The following TNN variants were observed in gnomAD, a reference collection of about 807,000 sequenced individuals.
The protein encoded by TNN is tenascin N, also known as tenascin-N.
In TNN, 122 loss-of-function variants were observed where a neutral mutation model predicts 134.4. The ratio of observed to expected loss-of-function variants is 0.91; its 90% CI spans 0.78 to 1.06. The LOEUF is 1.06. TNN is among the 50% of genes least tolerant of loss of function. The pLI, the probability that TNN is intolerant of heterozygous loss-of-function variation, is 0.00. For synonymous variants in TNN, 710 were observed against 670.3 expected (o/e 1.06, Z -0.91); for missense variants, 1,739 against 1,699.4 (o/e 1.02, Z -0.41).
intron 12 of TNN, among the ~76,000 whole-genome samples, chr1:175,125,963 T>TTCTCTC (rs151299690): frequency 1.5e-4 from 21 of 140,422 alleles, no homozygotes; most frequent in Non-Finnish European, 3.1e-4. Flanking sequence ...CTTTCTTTCC[T>TTCTCTC]TCTCTCTCTC....
intron 7 of TNN, 48 bp from the exon 8 acceptor site, chr1:175,097,369 A>G (rs1674594264): frequency 1.2e-6 from 2 of 1,608,060 alleles, no homozygotes; most frequent in Non-Finnish European, 1.7e-6. Flanking sequence ...TCTTTATGGA[A>G]TTAGAGGGTG....
intron 17 of TNN, among the ~76,000 whole-genome samples, chr1:175,139,997 A>G (rs957271631): frequency 6.6e-6 from 1 of 152,276 alleles, no homozygotes; most frequent in African/African-American, 2.4e-5. Context: ...ACATAGATGG[A>G]CATTCATATG....
rs773665365 is a variant in TNN at position 175,126,979 on chromosome 1, G to A, written c.2939G>A (p.Arg980His). 20 of 1,613,536 alleles carry A rather than the reference G, an allele frequency of 1.2e-5. No individual in the cohort carries two copies. Among genetic ancestry groups the A allele is most frequent in the African/African-American group, 6.7e-5 (5 of 74,870 alleles). Residue 980 changes from arginine (R) to histidine (H), a missense_variant, in exon 13 of 19, where the codon CGT (arginine) becomes CAT (histidine). By Grantham distance (29) the Arg-to-His change is conservative. Transcript: ENST00000239462. ...GAACTCGACCCTCCCAGAAACCTTC[G>A]TCCATCTGCTGTAACGCAGTCTGGT... ...QTELDPPRNL[R>H]PSAVTQSGGI...
chr1:175,125,822 CTTTCTTTCTTTCTTTTTTCTT>C (rs67531530), intron 12 of TNN, among the ~76,000 whole-genome samples: 90,962 of 134,566 alleles, frequency 0.68, 31,408 homozygotes, highest in African/African-American at 0.76. Context: ...TCCCTCCCTC[CTTTCTTTCTTTCTTTTTTCTT>C]TTTCTTTCTT....
At chr1:175,127,854 C>T (rs1410562977) in intron 13 of TNN, among the ~76,000 whole-genome samples, 178 bp from the exon 14 acceptor site, 3 of 152,208 alleles carry the variant, frequency 2.0e-5, no homozygotes, top group East Asian at 1.9e-4. Context: ...GCATGGCTCT[C>T]CAGAGAAGTG....
In TNN at chr1:175,079,421, C is replaced by A; in HGVS notation, c.498C>A (p.Cys166Ter). ...HCEEGREGPA[C>*]ERLACPGACS... ...AAGAGGGCAGGGAGGGCCCCGCCTG[C>A]GAGCGGCTGGCCTGCCCCGGGGCGT... The change falls in exon 3 of 19, where the codon TGC becomes TGA. Residue 166 changes from cysteine (C) to a stop codon, truncating the protein, a stop_gained. Transcript: ENST00000239462. LOFTEE classifies it high-confidence loss of function. 2 of 1,587,768 alleles carry A rather than the reference C, an allele frequency of 1.3e-6. No homozygotes were observed. The highest frequency in any genetic ancestry group is 1.7e-6 in the Non-Finnish European group (2 of 1,170,686).
chr1:175,094,101 C>G lies in TNN; in HGVS notation c.1436C>G (p.Ser479Cys). The G allele has an allele frequency of 1.9e-6, 3 of 1,614,220 alleles. No homozygotes were observed. Among genetic ancestry groups the G allele is most frequent in the Non-Finnish European group, 2.5e-6 (3 of 1,180,044 alleles). ...VIDKYVVRYT[S>C]ADGDTKEMAV... Reference sequence around the variant, plus strand: ...GACAAGTATGTAGTGCGCTACACTTCTGCTGATGGGGACACCAAGGAAATG... The same window carrying G: ...GACAAGTATGTAGTGCGCTACACTTGTGCTGATGGGGACACCAAGGAAATG... The change falls in exon 7 of 19, where the codon TCT becomes TGT. Residue 479 changes from serine (S) to cysteine (C), a missense_variant. Coordinates refer to ENST00000239462, the MANE Select transcript of TNN (RefSeq NM_022093.2).
At chr1:175,117,350 C>T (rs957816964) in intron 10 of TNN, 145 bp downstream of exon 10, 3 of 1,366,842 alleles carry the variant, frequency 2.2e-6, no homozygotes, top group East Asian at 4.9e-5. Flanking sequence ...ATTGCACACA[C>T]CATCCCTCAT....
intron 17 of TNN, among the ~76,000 whole-genome samples, chr1:175,140,894 G>A (rs1279117837): frequency 6.6e-6 from 1 of 152,176 alleles, no homozygotes; most frequent in Non-Finnish European, 1.5e-5. Context: ...GGCTACTCAT[G>A]TCTTGAATGC....
Position 175,106,736 on chromosome 1 carries a change from T to C in TNN, c.2119+8141T>C, listed in dbSNP as rs537868599. On this transcript the variant is annotated intron_variant, in intron 9 of 18. Transcript: ENST00000239462. ...CTCATGGCCGCAGGGTCAACCAACA[T>C]GTTGTCGGGACCCCGGAGATGCATG... 3.4e-5 allele frequency among the ~76,000 whole-genome samples: 5 copies of C among 145,550 alleles called. 2 individuals carry two copies. Among genetic ancestry groups the C allele is most frequent in the Non-Finnish European group, 7.6e-5 (5 of 65,580 alleles).
intron 9 of TNN, among the ~76,000 whole-genome samples, chr1:175,104,042 A>G (rs1221896862): frequency 6.8e-6 from 1 of 146,064 alleles, no homozygotes; most frequent in Admixed American, 6.9e-5. Context: ...AGCCTTGGCT[A>G]ATATATCCCT....
chr1:175,097,787 A>T, intron 8 of TNN, 104 bp downstream of exon 8: 1 of 1,462,232 alleles, frequency 6.8e-7, no homozygotes, highest in Non-Finnish European at 9.2e-7. Flanking sequence ...TTGCAATTAG[A>T]AGTCTTAAAG....
At chr1:175,085,874 CAAA>C (rs59186260) in intron 6 of TNN, among the ~76,000 whole-genome samples, 3 of 81,578 alleles carry the variant, frequency 3.7e-5, no homozygotes, top group Admixed American at 2.8e-4. Flanking sequence ...AACTCCATCT[CAAA>C]AAAAAAAAAA....
At chr1:175,104,150 A>T (rs2149434976) in intron 9 of TNN, among the ~76,000 whole-genome samples, 1 of 146,344 alleles carries the variant, frequency 6.8e-6, no homozygotes, top group East Asian at 2.3e-4. Context: ...GAAATACCTG[A>T]TTACAGGCTG....
At chr1:175,088,626 T>C (rs6696640) in intron 6 of TNN, among the ~76,000 whole-genome samples, 83,213 of 151,942 alleles carry the variant, frequency 0.55, 23,366 homozygotes, top group African/African-American at 0.69. Flanking sequence ...CCAGACTGTT[T>C]GTGGGGTTTC....
intron 6 of TNN, among the ~76,000 whole-genome samples, chr1:175,088,273 G>A (rs1232389131): frequency 6.6e-6 from 1 of 152,040 alleles, no homozygotes; most frequent in East Asian, 1.9e-4. Context: ...CCTTTCTGAG[G>A]CTACCCAGGA....
chr1:175,145,353 G>T (rs1676036935), intron 18 of TNN, among the ~76,000 whole-genome samples: 1 of 151,876 alleles, frequency 6.6e-6, no homozygotes, highest in East Asian at 1.9e-4. Flanking sequence ...AGGAATTTGA[G>T]ACCAGCCTGG....
intron 16 of TNN, 33 bp from the exon 17 acceptor site, chr1:175,136,784 GTTGA>G: frequency 6.2e-7 from 1 of 1,601,424 alleles, no homozygotes; most frequent in Non-Finnish European, 8.5e-7. Flanking sequence ...GCACACATGG[GTTGA>G]TTGATTATTG....
At chr1:175,121,519 T>G (rs1230704830) in intron 11 of TNN, among the ~76,000 whole-genome samples, 1 of 152,182 alleles carries the variant, frequency 6.6e-6, no homozygotes, top group African/African-American at 2.4e-5. Flanking sequence ...CAGTGTTCAT[T>G]TAAAAAACAT....
Sources: gnomAD v4.1 joint callset for allele counts (sites outside exome capture counted in the v4.1 genomes callset) on GRCh38, gnomAD v4.1.1 for gene constraint, MANE v1.5 for transcripts, NCBI Gene and HGNC (gene_info 2026-07-23, HGNC 2026-07-21) for gene names.